The following PLCL1 variants were observed in gnomAD, a reference collection of about 807,000 sequenced individuals.
PLCL1 encodes the protein phospholipase C like 1 (inactive), also known as inactive phospholipase C-like protein 1.
In PLCL1, 41 loss-of-function variants were observed where a neutral mutation model predicts 84.4. The observed-to-expected ratio is 0.49, with a 90% confidence interval of 0.38 to 0.63. The LOEUF (loss-of-function observed/expected upper bound fraction) is 0.63, where lower values mean the gene tolerates loss of function less well. Ranked by LOEUF, PLCL1 falls within the 30% of genes least tolerant of loss-of-function variation. PLCL1 has a pLI of 0.00. For synonymous variants in PLCL1, 490 were observed against 488.3 expected, an observed-to-expected ratio of 1.00 and a Z score of -0.05; for missense variants, 1,206 against 1,367.8, an observed-to-expected ratio of 0.88 and a Z score of 1.87.
At chr2:197,875,920 T>G (rs1003840414) in intron 1 of PLCL1, among the ~76,000 whole-genome samples, 2 of 152,182 alleles carry the variant, frequency 1.3e-5, no homozygotes, top group Non-Finnish European at 2.9e-5. Context: ...AGTAAATGTT[T>G]GGCTGAGCCT....
chr2:198,129,836 C>T (rs1694077441), intron 5 of PLCL1, among the ~76,000 whole-genome samples: 1 of 151,108 alleles, frequency 6.6e-6, no homozygotes, highest in Admixed American at 6.6e-5. Flanking sequence ...CACTTCTTAG[C>T]CAACTTTAAT....
intron 1 of PLCL1, among the ~76,000 whole-genome samples, chr2:197,830,431 G>C (rs1330571021): frequency 6.6e-6 from 1 of 151,818 alleles, no homozygotes; most frequent in Non-Finnish European, 1.5e-5. Flanking sequence ...AGAGATTGCA[G>C]ATCGACTTAA....
intron 1 of PLCL1, among the ~76,000 whole-genome samples, chr2:198,002,913 C>T (rs560925158): frequency 6.6e-6 from 1 of 152,282 alleles, no homozygotes; most frequent in Non-Finnish European, 1.5e-5. Flanking sequence ...TGGTCATCAT[C>T]CTGCTTAAGG....
rs1030272485 is a variant in PLCL1 at position 197,823,225 on chromosome 2, A to G, written c.240+17886A>G. Among the ~76,000 whole-genome samples, 26 of 152,182 alleles carry G rather than the reference A, an allele frequency of 1.7e-4. 1 individual carries two copies. Among genetic ancestry groups the G allele is most frequent in the Non-Finnish European group, 5.9e-5 (4 of 68,030 alleles). ...TTTCTTAATAACTATGTGAAACAGTAGAAATAAATTAGGGATTAGGAGAAT... is the reference window on the plus strand; with the variant it reads ...TTTCTTAATAACTATGTGAAACAGTGGAAATAAATTAGGGATTAGGAGAAT... On this transcript the variant is annotated intron_variant, in intron 1 of 5. Transcript: ENST00000428675.
At chr2:198,022,497 A>T (rs1691160074) in intron 1 of PLCL1, among the ~76,000 whole-genome samples, 2 of 151,978 alleles carry the variant, frequency 1.3e-5, no homozygotes. Flanking sequence ...TATTTAGAAA[A>T]CTCCATCGTC....
At chr2:197,969,634 C>A (rs977701168) in intron 1 of PLCL1, among the ~76,000 whole-genome samples, 3 of 152,142 alleles carry the variant, frequency 2.0e-5, no homozygotes, top group African/African-American at 7.2e-5. Flanking sequence ...ATATGGTAAT[C>A]ATTGATATTG....
chr2:197,890,701 T>TATAC lies in PLCL1; in HGVS notation c.240+85363_240+85364insTACA, dbSNP rs11270566. Among the ~76,000 whole-genome samples the TATAC allele has an allele frequency of 5.2e-4, 61 of 118,440 alleles. 2 individuals are homozygous for TATAC. Among genetic ancestry groups the TATAC allele is most frequent in the African/African-American group, 1.5e-3 (39 of 26,206 alleles). The allele number at this position is 118,440 out of a possible 152,430, so 77.7% of individuals were successfully genotyped here. Reference sequence around the variant, plus strand: ...TTTTTGCTATATATATATATATATATACACACACACATATACGTATATATG... The same window carrying TATAC: ...TTTTTGCTATATATATATATATATATATACACACACACACATATACGTATATATG... On this transcript the variant is annotated intron_variant, in intron 1 of 5. Transcript: ENST00000428675.
rs1215315731 is a variant in PLCL1, at chr2:197,866,034, A to ATATAT, written c.240+60695_240+60696insTATAT. The stretch of plus-strand genomic sequence containing the variant: ...CCAAAAAAAAAAAAAAAAAAAAAAA[A>ATATAT]AAATATATATATATATATACACACA... On this transcript the variant is annotated intron_variant, in intron 1 of 5. Transcript: ENST00000428675. Among the ~76,000 whole-genome samples, 146 of 41,746 alleles carry ATATAT rather than the reference A, an allele frequency of 3.5e-3. 35 individuals are homozygous for ATATAT. Among genetic ancestry groups the ATATAT allele is most frequent in the African/African-American group, 7.9e-3 (33 of 4,166 alleles). The allele number at this position is 41,746 out of a possible 152,430, so 27.4% of individuals were successfully genotyped here.
chr2:198,034,062 T>C (rs1377490959), intron 1 of PLCL1, among the ~76,000 whole-genome samples: 1 of 152,156 alleles, frequency 6.6e-6, no homozygotes, highest in Non-Finnish European at 1.5e-5. Flanking sequence ...TTGTTACATA[T>C]GTATACATGT....
At chr2:197,831,952 A>G (rs570450954) in intron 1 of PLCL1, among the ~76,000 whole-genome samples, 2 of 152,226 alleles carry the variant, frequency 1.3e-5, no homozygotes, top group Admixed American at 1.3e-4. Flanking sequence ...GTTCTTTGAA[A>G]CCAATGAGAA....
intron 1 of PLCL1, among the ~76,000 whole-genome samples, chr2:198,020,804 C>T (rs890384865): frequency 3.9e-5 from 6 of 152,112 alleles, no homozygotes; most frequent in African/African-American, 1.4e-4. Flanking sequence ...TAGTGGGAGA[C>T]TTTAACATCC....
At chr2:197,918,922 C>T (rs1688648825) in intron 1 of PLCL1, among the ~76,000 whole-genome samples, 1 of 150,874 alleles carries the variant, frequency 6.6e-6, no homozygotes, top group Non-Finnish European at 1.5e-5. Context: ...GCCTGGGCAA[C>T]AGACGGAGAC....
intron 1 of PLCL1, among the ~76,000 whole-genome samples, chr2:198,066,550 T>C (rs1334656452): frequency 6.6e-6 from 1 of 152,226 alleles, no homozygotes; most frequent in African/African-American, 2.4e-5. Context: ...GTTACTCCAT[T>C]AATTTGTATC....
chr2:197,925,511 T>C (rs1473357366), intron 1 of PLCL1, among the ~76,000 whole-genome samples: 1 of 152,196 alleles, frequency 6.6e-6, no homozygotes, highest in African/African-American at 2.4e-5. Flanking sequence ...TGATTTGTAA[T>C]TGGGTCAAAT....
At chr2:198,089,448 A>T (rs1415595029) in intron 3 of PLCL1, among the ~76,000 whole-genome samples, 1 of 152,130 alleles carries the variant, frequency 6.6e-6, no homozygotes, top group Non-Finnish European at 1.5e-5. Context: ...TTTATATAGA[A>T]TCTATATTTT....
chr2:198,104,871 TG>T (rs1693436662), intron 5 of PLCL1, among the ~76,000 whole-genome samples: 1 of 152,040 alleles, frequency 6.6e-6, no homozygotes, highest in Non-Finnish European at 1.5e-5. Context: ...TGCTTTCTAA[TG>T]GGGTGTTTAT....
At chr2:197,879,095 C>G (rs191092668) in intron 1 of PLCL1, among the ~76,000 whole-genome samples, 144 of 152,310 alleles carry the variant, frequency 9.5e-4, no homozygotes, top group African/African-American at 3.3e-3. Context: ...TTCATGTGCT[C>G]ACACCCAGCC....
At chr2:197,825,014 C>T (rs1237867120) in intron 1 of PLCL1, among the ~76,000 whole-genome samples, 1 of 151,884 alleles carries the variant, frequency 6.6e-6, no homozygotes, top group African/African-American at 2.4e-5. Context: ...TTTTTTTCTG[C>T]AGGTTTTTTG....
chr2:197,860,377 C>A (rs1048810184), intron 1 of PLCL1, among the ~76,000 whole-genome samples: 1 of 152,058 alleles, frequency 6.6e-6, no homozygotes, highest in Non-Finnish European at 1.5e-5. Flanking sequence ...ATTTATATTT[C>A]TTTGGGTATA....
Sources: gnomAD v4.1 joint callset for allele counts (sites outside exome capture counted in the v4.1 genomes callset) on GRCh38, gnomAD v4.1.1 for gene constraint, MANE v1.5 for transcripts, NCBI Gene and HGNC (gene_info 2026-07-23, HGNC 2026-07-21) for gene names.